FGFR2: variants seen among roughly 807,000 people sequenced by gnomAD.
The protein encoded by FGFR2 is BEK fibroblast growth factor receptor.
FGFR2 carries 19 observed loss-of-function variants against 95.9 expected under a neutral mutation model. The observed-to-expected ratio is 0.20, with a 90% confidence interval of 0.14 to 0.29. The LOEUF is 0.29. FGFR2 is among the 10% of genes least tolerant of loss of function. FGFR2 has a pLI of 1.00. For synonymous variants in FGFR2, 392 were observed against 393.3 expected (o/e 1.00, Z 0.04); for missense variants, 707 against 1,056.9 (o/e 0.67, Z 4.59).
At chr10:121,522,461 T>A (rs1850693602) in intron 6 of FGFR2, among the ~76,000 whole-genome samples, 1 of 151,684 alleles carries the variant, frequency 6.6e-6, no homozygotes, top group Non-Finnish European at 1.5e-5. Context: ...GGGACTGAGG[T>A]GAGAGAATGG....
At chr10:121,512,224 G>GT (rs1327829384) in intron 9 of FGFR2, among the ~76,000 whole-genome samples, 5 of 152,144 alleles carry the variant, frequency 3.3e-5, no homozygotes, top group Non-Finnish European at 7.4e-5. Flanking sequence ...TGTCATCAAC[G>GT]TATCTGCAGG....
At chr10:121,483,481 C>G (rs1845024712) in intron 17 of FGFR2, among the ~76,000 whole-genome samples, 1 of 152,226 alleles carries the variant, frequency 6.6e-6, no homozygotes, top group Non-Finnish European at 1.5e-5. Context: ...GGATGTCCCT[C>G]TGTCTTTGGT....
chr10:121,531,716 G>T lies in FGFR2; in HGVS notation c.748+6876C>A, dbSNP rs1159047751. 6.6e-6 allele frequency among the ~76,000 whole-genome samples: 1 copy of T among 152,150 alleles called. No individual in the cohort carries two copies. The highest frequency in any genetic ancestry group is 1.5e-5 in the Non-Finnish European group (1 of 68,028). Reference sequence around the variant, plus strand: ...CTCAGAGGTTCCATGCCTTTTCTAAGGCCATAGAGTTAGCAAGGGTGGAAA... The same window carrying T: ...CTCAGAGGTTCCATGCCTTTTCTAATGCCATAGAGTTAGCAAGGGTGGAAA... On this transcript the variant is annotated intron_variant, in intron 6 of 17. Transcript: ENST00000358487. This position sits in a 1 kb window ranked among gnomAD's most constrained non-coding sequence, Gnocchi z 4.5.
chr10:121,595,428 AGT>A (rs963423901), intron 1 of FGFR2, among the ~76,000 whole-genome samples: 21 of 151,874 alleles, frequency 1.4e-4, no homozygotes, highest in Admixed American at 5.9e-4. Context: ...GTATGTGTGC[AGT>A]GTGTGTGTGT....
chr10:121,590,567 T>C (rs1862479442), intron 2 of FGFR2, among the ~76,000 whole-genome samples: 1 of 152,178 alleles, frequency 6.6e-6, no homozygotes, highest in Non-Finnish European at 1.5e-5. Flanking sequence ...AACTAAAATC[T>C]TCTAGAGATT....
At chr10:121,540,531 G>A (rs976309184) in intron 5 of FGFR2, among the ~76,000 whole-genome samples, 5 of 152,130 alleles carry the variant, frequency 3.3e-5, no homozygotes, top group African/African-American at 1.2e-4. Context: ...CAACGGCATC[G>A]TTATGCTAAG....
intron 16 of FGFR2, among the ~76,000 whole-genome samples, chr10:121,484,580 A>C (rs1845169133): frequency 6.6e-6 from 1 of 152,216 alleles, no homozygotes; most frequent in African/African-American, 2.4e-5. Flanking sequence ...AATAGACCGC[A>C]GTTTCTGGGA....
intron 9 of FGFR2, among the ~76,000 whole-genome samples, chr10:121,510,281 G>A (rs1307262620): frequency 6.6e-6 from 1 of 152,136 alleles, no homozygotes; most frequent in Non-Finnish European, 1.5e-5. Context: ...CCCCAGATGC[G>A]CTGGCTCTGC....
intron 2 of FGFR2, among the ~76,000 whole-genome samples, chr10:121,571,225 C>G (rs999850549): frequency 2.7e-5 from 4 of 150,492 alleles, no homozygotes; most frequent in South Asian, 2.1e-4. Context: ...TTGATCTCCT[C>G]ACCTCGTGAT....
At chr10:121,579,740 C>T (rs934927763) in intron 2 of FGFR2, among the ~76,000 whole-genome samples, 2 of 152,174 alleles carry the variant, frequency 1.3e-5, no homozygotes, top group Admixed American at 6.5e-5. Context: ...CACAGCATGC[C>T]GAGAATAACC....
At chr10:121,500,569 C>G (rs370871491) in intron 11 of FGFR2, among the ~76,000 whole-genome samples, 1 of 152,132 alleles carries the variant, frequency 6.6e-6, no homozygotes, top group Non-Finnish European at 1.5e-5. Flanking sequence ...ATTGTGGTCA[C>G]GAAGAAGGAG....
chr10:121,595,190 C>T (rs1310960486), intron 1 of FGFR2, among the ~76,000 whole-genome samples: 1 of 152,200 alleles, frequency 6.6e-6, no homozygotes, highest in African/African-American at 2.4e-5. Flanking sequence ...CTAAACTCTA[C>T]ATTTTTTATG....
chr10:121,544,226 T>C (rs567737417), intron 5 of FGFR2, among the ~76,000 whole-genome samples: 7 of 152,130 alleles, frequency 4.6e-5, no homozygotes, highest in African/African-American at 1.7e-4. Flanking sequence ...GGTGGGTGGA[T>C]GGCAAGTTCA....
intron 2 of FGFR2, among the ~76,000 whole-genome samples, chr10:121,586,585 A>G (rs1217509724): frequency 6.6e-6 from 1 of 152,228 alleles, no homozygotes; most frequent in Non-Finnish European, 1.5e-5. Flanking sequence ...AGTAAATTAC[A>G]CATTCAGCAT....
intron 15 of FGFR2, among the ~76,000 whole-genome samples, chr10:121,486,664 T>A (rs1281653717): frequency 6.6e-6 from 1 of 152,152 alleles, no homozygotes; most frequent in African/African-American, 2.4e-5. Context: ...ATGGCCTTGA[T>A]CTCCTGACCT....
intron 5 of FGFR2, among the ~76,000 whole-genome samples, chr10:121,544,640 A>G (rs989912793): frequency 6.6e-6 from 1 of 152,150 alleles, no homozygotes; most frequent in Non-Finnish European, 1.5e-5. Flanking sequence ...CACAAAAAGT[A>G]GGTTAGAGGT....
chr10:121,522,858 T>C (rs775919184), intron 6 of FGFR2, among the ~76,000 whole-genome samples: 2 of 152,136 alleles, frequency 1.3e-5, no homozygotes, highest in African/African-American at 4.8e-5. Context: ...AAAAAACAAC[T>C]GAGGGAAATG....
At chr10:121,588,592 T>A (rs1590110281) in intron 2 of FGFR2, among the ~76,000 whole-genome samples, 1 of 152,014 alleles carries the variant, frequency 6.6e-6, no homozygotes, top group East Asian at 1.9e-4. Context: ...AATCTCTAAA[T>A]CATATGGGAT....
intron 6 of FGFR2, among the ~76,000 whole-genome samples, chr10:121,529,980 C>T (rs1188761172): frequency 3.3e-5 from 5 of 152,170 alleles, no homozygotes; most frequent in African/African-American, 1.2e-4. Flanking sequence ...ATTGCCTCAT[C>T]GCCTCATCTG....
Sources: allele counts gnomAD v4.1 joint callset (sites outside exome capture counted in the v4.1 genomes callset), GRCh38; gene constraint gnomAD v4.1.1; non-coding constraint Gnocchi (gnomAD v3.1); transcripts MANE v1.5; gene names NCBI Gene and HGNC (gene_info 2026-07-23, HGNC 2026-07-21).